The following STK35 variants were observed in gnomAD, a reference collection of about 807,000 sequenced individuals.
The protein encoded by STK35 is serine/threonine kinase 35.
In STK35, 17 loss-of-function variants were observed where a neutral mutation model predicts 37.3. That is an observed-to-expected ratio of 0.46 (90% CI 0.31 to 0.68). The LOEUF is 0.68. STK35 is among the 30% of genes least tolerant of loss of function. The pLI is 0.05. For missense variants in STK35, 595 were observed against 746.7 expected, an observed-to-expected ratio of 0.80 and a Z score of 2.37; for synonymous variants, 385 against 319.1, an observed-to-expected ratio of 1.21 and a Z score of -2.20.
At position 2,117,928 on chromosome 20, in the gene STK35, A is replaced by G. The variant is rs145630741; in HGVS notation, c.*37+513A>G. On this transcript the variant is annotated intron_variant, in intron 3 of 3. Coordinates refer to ENST00000381482, the MANE Select transcript of STK35 (RefSeq NM_080836.4). This position sits in a 1 kb window ranked among gnomAD's most constrained non-coding sequence, Gnocchi z 4.4. ...TCTGAGTACACGTTGGAAAGTCTAG[A>G]GAAGTCTTCTCAGAGGAGGTTGCGT... 4.4e-3 allele frequency among the ~76,000 whole-genome samples: 675 copies of G among 152,328 alleles called. 3 individuals carry two copies. Among genetic ancestry groups the G allele is most frequent in the African/African-American group, 0.015 (639 of 41,574 alleles).
Position 2,102,104 on chromosome 20 carries a change from G to T in STK35, c.223G>T (p.Gly75Ter), listed in dbSNP as rs1000639159. Reference sequence around the variant, plus strand: ...TCGGTCCCGGAGGCAGCCCGGGCCCGGAGCGGACCATCCCCAGGCAGGGGC... The same window carrying T: ...TCGGTCCCGGAGGCAGCCCGGGCCCTGAGCGGACCATCCCCAGGCAGGGGC... ...AARSRRQPGPGADHPQAGAPG... is the reference protein window; with the variant it reads ...AARSRRQPGP Residue 75 changes from glycine to a stop codon, truncating the protein, a stop_gained, in exon 1 of 4, where the codon GGA becomes TGA. Coordinates refer to ENST00000381482, the MANE Select transcript of STK35 (RefSeq NM_080836.4). LOFTEE classifies it high-confidence loss of function. 1.6e-5 allele frequency: 24 copies of T among 1,460,038 alleles called. No individual in the cohort carries two copies. The highest frequency in any genetic ancestry group is 7.3e-5 in the African/African-American group (5 of 68,052). 90.4% of individuals were successfully genotyped at this position (1,460,038 alleles called of 1,614,324 possible).
In STK35 at chr20:2,143,965, T is replaced by C; in HGVS notation, c.*219T>C. The C allele has an allele frequency of 7.2e-6, 3 of 417,768 alleles. No individual in the cohort carries two copies. Among genetic ancestry groups the C allele is most frequent in the Non-Finnish European group, 1.4e-5 (3 of 216,922 alleles). The allele number at this position is 417,768 out of a possible 1,614,324, so 25.9% of individuals were successfully genotyped here. On this transcript the variant is annotated 3_prime_UTR_variant, in exon 4 of 4. Transcript: ENST00000381482. ...TTTTTTTCCTTTTCTTTTCTTTTTT[T>C]TTTTTCCTCTTTCCTTTTTTTAAAT... is the stretch of plus-strand genomic sequence containing the variant.
At position 2,128,583 on chromosome 20, in the gene STK35, C is replaced by CT. The variant is rs1188922932; in HGVS notation, c.*37+11170dup. 1.3e-4 allele frequency among the ~76,000 whole-genome samples: 20 copies of CT among 152,228 alleles called. 1 individual carries two copies. Among genetic ancestry groups the CT allele is most frequent in the Admixed American group, 1.1e-3 (17 of 15,292 alleles). ...AGGATAGGGTGAAGCCCTGTGGCCT[C>CT]TTACTCCTGTGGGAGTAGGAGGAAA... On this transcript the variant is annotated intron_variant, in intron 3 of 3. Transcript: ENST00000381482.
At chr20:2,119,687 G>A (rs963332298) in intron 3 of STK35, among the ~76,000 whole-genome samples, 1 of 152,222 alleles carries the variant, frequency 6.6e-6, no homozygotes, top group Non-Finnish European at 1.5e-5. Flanking sequence ...TGAGCTAGAA[G>A]TAAGCTGCTC....
intron 3 of STK35, among the ~76,000 whole-genome samples, chr20:2,141,774 A>G (rs538630449): frequency 6.6e-6 from 1 of 152,126 alleles, no homozygotes; most frequent in East Asian, 1.9e-4. Flanking sequence ...ACCCTTTTCC[A>G]CCTACCCCAG....
At chr20:2,114,120 G>A (rs905077531) in intron 2 of STK35, among the ~76,000 whole-genome samples, 5 of 152,054 alleles carry the variant, frequency 3.3e-5, no homozygotes, top group Non-Finnish European at 5.9e-5. Context: ...CTGAGACCCC[G>A]TTAGACAGTC....
intron 3 of STK35, among the ~76,000 whole-genome samples, chr20:2,120,615 A>G (rs912172535): frequency 1.3e-5 from 2 of 152,224 alleles, no homozygotes; most frequent in African/African-American, 2.4e-5. Context: ...TGGGAAGAAC[A>G]TTGAGTCTGA....
intron 2 of STK35, among the ~76,000 whole-genome samples, chr20:2,110,330 C>T (rs1264398883): frequency 2.0e-5 from 3 of 152,152 alleles, no homozygotes; most frequent in African/African-American, 7.2e-5. Flanking sequence ...TGCCCTTTTC[C>T]CCCCTTCACA....
intron 2 of STK35, among the ~76,000 whole-genome samples, chr20:2,107,612 G>A (rs1985540705): frequency 6.6e-6 from 1 of 152,164 alleles, no homozygotes; most frequent in African/African-American, 2.4e-5. Context: ...AGGGGCATTG[G>A]GGAAGCAGGG....
In STK35 at chr20:2,103,175, C is replaced by T. The variant is rs371802430; in HGVS notation, c.702C>T (p.Arg234=). 1.9e-6 allele frequency: 3 copies of T among 1,607,416 alleles called. No homozygotes were observed. The highest frequency in any genetic ancestry group is 2.5e-6 in the Non-Finnish European group (3 of 1,179,154). The change falls in exon 2 of 4, where the codon CGC becomes CGT. Residue 234 remains arginine, a synonymous_variant. Transcript: ENST00000381482. ...CCCGGGTGGCGGTCAAGAAGATCCG[C>T]TGCGACGCCCCCGAGAACGTGGAGC... The part of the protein sequence containing the change: ...SGARVAVKKI[R]CDAPENVELA...
At chr20:2,126,695 C>G (rs895082543) in intron 3 of STK35, among the ~76,000 whole-genome samples, 2 of 152,170 alleles carry the variant, frequency 1.3e-5, no homozygotes, top group Admixed American at 6.5e-5. Context: ...GAGATCTCCT[C>G]CAGCGTTTCT....
intron 3 of STK35, 130 bp from the exon 4 acceptor site, chr20:2,143,654 T>G: frequency 4.2e-6 from 1 of 238,376 alleles, no homozygotes; most frequent in Non-Finnish European, 8.3e-6. Context: ...TGAAGCTAGA[T>G]TTACCCCATC....
At chr20:2,112,220 A>G (rs1985633325) in intron 2 of STK35, among the ~76,000 whole-genome samples, 1 of 152,206 alleles carries the variant, frequency 6.6e-6, no homozygotes. Flanking sequence ...CAAAGCTCCT[A>G]CTGGCTTGTC....
chr20:2,122,024 T>A (rs1985827223), intron 3 of STK35, among the ~76,000 whole-genome samples: 1 of 152,236 alleles, frequency 6.6e-6, no homozygotes, highest in South Asian at 2.1e-4. Flanking sequence ...TATCTGTGGA[T>A]GTTTGTACTA....
chr20:2,102,718 CTGGCCTCCCCGCCT>C, intron 1 of STK35, 36 bp from the exon 2 acceptor site: 2 of 1,356,916 alleles, frequency 1.5e-6, no homozygotes, highest in African/African-American at 1.5e-5. Flanking sequence ...GCCTACGCTC[CTGGCCTCCCCGCCT>C]TGGCCTGGCC....
rs139548669 is a variant in STK35, at chr20:2,103,731, C to T, written c.892+366C>T. On this transcript the variant is annotated intron_variant, in intron 2 of 3. Transcript: ENST00000381482. ...TAGTAGCAGAACTGCGGAGCCTCCT[C>T]ACCCCCGAGGGCCTCTCTCTTTCCC... 3.8e-3 allele frequency among the ~76,000 whole-genome samples: 585 copies of T among 152,280 alleles called. 5 individuals are homozygous for T. Among genetic ancestry groups the T allele is most frequent in the Middle Eastern group, 0.024 (7 of 292 alleles).
chr20:2,146,052 G>A lies in STK35; in HGVS notation c.*2306G>A, dbSNP rs1453674383. ...TAGGTGACAGGTGGGCAGCCTGGTA[G>A]GGGTCGCCAGCCTCCATGCCCCCTC... On this transcript the variant is annotated 3_prime_UTR_variant, in exon 4 of 4. Coordinates refer to ENST00000381482, the MANE Select transcript of STK35 (RefSeq NM_080836.4). The A allele has an allele frequency of 1.3e-5, 2 of 152,202 alleles. No homozygotes were observed. The highest frequency in any genetic ancestry group is 4.8e-5 in the African/African-American group (2 of 41,430). 9.4% of individuals were successfully genotyped at this position (152,202 alleles called of 1,614,324 possible).
At chr20:2,104,023 C>T (rs188120273) in intron 2 of STK35, among the ~76,000 whole-genome samples, 255 of 152,224 alleles carry the variant, frequency 1.7e-3, no homozygotes, top group African/African-American at 5.9e-3. Flanking sequence ...GGCATCTTTT[C>T]CCTCCGTTTT....
chr20:2,128,749 C>T (rs1482483304), intron 3 of STK35, among the ~76,000 whole-genome samples: 1 of 152,012 alleles, frequency 6.6e-6, no homozygotes, highest in Admixed American at 6.5e-5. Context: ...GGGAGGTCAC[C>T]CCTAGAGGAA....
Sources: gnomAD v4.1 joint callset for allele counts (sites outside exome capture counted in the v4.1 genomes callset) on GRCh38, gnomAD v4.1.1 for gene constraint, Gnocchi (gnomAD v3.1) non-coding constraint, MANE v1.5 for transcripts, NCBI Gene and HGNC (gene_info 2026-07-23, HGNC 2026-07-21) for gene names.